Variants in HSP90AA1 observed in about 807,000 individuals in gnomAD.
HSP90AA1 encodes the protein heat shock protein 90 alpha family class A member 1.
A neutral mutation model predicts 73.3 loss-of-function variants in HSP90AA1; 18 were observed. The observed-to-expected ratio is 0.25, with a 90% CI of 0.17 to 0.36. The LOEUF is 0.36. Ranked by LOEUF, HSP90AA1 falls within the 10% of genes least tolerant of loss-of-function variation. The pLI, the probability that HSP90AA1 is intolerant of heterozygous loss-of-function variation, is 1.00. For synonymous variants in HSP90AA1, 477 were observed against 296.9 expected (o/e 1.61, Z -6.24); for missense variants, 704 against 874.2 (o/e 0.81, Z 2.45).
chr14:102,110,025 C>T (rs148474976), intron 1 of HSP90AA1, among the ~76,000 whole-genome samples: 1 of 152,210 alleles, frequency 6.6e-6, no homozygotes, highest in East Asian at 1.9e-4. Context: ...ATTCCGCCTC[C>T]TGGGTTCAAG....
chr14:102,135,997 C>A (rs992301477), intron 1 of HSP90AA1, among the ~76,000 whole-genome samples: 3 of 152,190 alleles, frequency 2.0e-5, no homozygotes, highest in African/African-American at 7.2e-5. Context: ...TCAAATGCCA[C>A]CAAAGTGGGA....
In HSP90AA1 at chr14:102,083,997, A is replaced by T. The variant is rs752694519; in HGVS notation, c.1148-14T>A. 6.3e-7 allele frequency: 1 copy of T among 1,597,770 alleles called. No individual in the cohort carries two copies. Among genetic ancestry groups the T allele is most frequent in the South Asian group, 1.1e-5 (1 of 90,702 alleles). On this transcript the variant is annotated splice_polypyrimidine_tract_variant and intron_variant, in intron 6 of 10. Transcript: ENST00000216281. The stretch of plus-strand genomic sequence containing the variant: ...CTCTAATGAAGTCTGAAAAAAATAT[A>T]AACCAAATGCACTGAGTCATTCCAA...
chr14:102,102,003 A>C, exon 2 of HSP90AA1: 1 of 1,614,178 alleles, frequency 6.2e-7, no homozygotes, highest in Non-Finnish European at 8.5e-7. Flanking sequence ...TTCCAGAGAC[A>C]GAGTAGAGTG....
intron 1 of HSP90AA1, among the ~76,000 whole-genome samples, chr14:102,126,623 C>T (rs773202178): frequency 1.8e-4 from 28 of 152,054 alleles, no homozygotes; most frequent in Non-Finnish European, 4.0e-4. Context: ...CTCCCGGGTT[C>T]ACGCCATTCT....
intron 1 of HSP90AA1, among the ~76,000 whole-genome samples, chr14:102,112,827 G>A (rs1210612849): frequency 1.3e-5 from 2 of 152,140 alleles, no homozygotes; most frequent in African/African-American, 4.8e-5. Flanking sequence ...AATTTCTGCT[G>A]TTAAGTTTTT....
At chr14:102,133,235 A>G (rs1476564347) in intron 1 of HSP90AA1, among the ~76,000 whole-genome samples, 10 of 149,608 alleles carry the variant, frequency 6.7e-5, no homozygotes, top group Middle Eastern at 3.8e-3. Flanking sequence ...AGCTGAGATC[A>G]TGCCATTGCA....
At chr14:102,090,550 C>T (rs561158301), upstream of HSP90AA1, among the ~76,000 whole-genome samples, 2 of 152,022 alleles carry the variant, frequency 1.3e-5, no homozygotes, top group East Asian at 1.9e-4. Context: ...CCCGGGTTCA[C>T]GCCATTCTCC....
At chr14:102,089,496 A>G (rs2049323657), upstream of HSP90AA1, among the ~76,000 whole-genome samples, 1 of 152,170 alleles carries the variant, frequency 6.6e-6, no homozygotes, top group South Asian at 2.1e-4. Context: ...TACCATCAAC[A>G]CGCCAGCCCC....
chr14:102,108,462 G>T (rs1257703015), intron 1 of HSP90AA1, among the ~76,000 whole-genome samples: 1 of 148,820 alleles, frequency 6.7e-6, no homozygotes, highest in African/African-American at 2.5e-5. Flanking sequence ...TGTAAATATT[G>T]ATCCTATCAT....
chr14:102,113,103 G>A (rs1337461834), intron 1 of HSP90AA1, among the ~76,000 whole-genome samples: 4 of 150,754 alleles, frequency 2.7e-5, no homozygotes, highest in Non-Finnish European at 4.4e-5. Context: ...GGTTCACTGC[G>A]ACCTCTGCCT....
rs34691938 is a variant in HSP90AA1 at position 102,128,630 on chromosome 14, G to GAAA, written c.155+10617_155+10619dup. Among the ~76,000 whole-genome samples the GAAA allele has an allele frequency of 5.3e-4, 57 of 106,978 alleles. 1 individual carries two copies. The highest frequency in any genetic ancestry group is 1.5e-3 in the African/African-American group (41 of 27,526). 70.2% of individuals were successfully genotyped at this position (106,978 alleles called of 152,430 possible). On this transcript the variant is annotated intron_variant, in intron 1 of 11. Coordinates refer to the HSP90AA1 transcript ENST00000334701. Reference sequence around the variant, plus strand: ...GCAGTAAGAGCAAAACTCCGTCTCGGAAAAAAAAAAAAAAAAAAAAAATTA... The same window carrying GAAA: ...GCAGTAAGAGCAAAACTCCGTCTCGGAAAAAAAAAAAAAAAAAAAAAAAAATTA...
intron 1 of HSP90AA1, among the ~76,000 whole-genome samples, chr14:102,131,994 C>A (rs560304257): frequency 2.2e-4 from 34 of 152,136 alleles, no homozygotes; most frequent in Admixed American, 1.9e-3. Flanking sequence ...CACAACACTT[C>A]GTGAGGCTAA....
upstream of HSP90AA1, among the ~76,000 whole-genome samples, chr14:102,090,958 G>A (rs943784253): frequency 4.6e-5 from 7 of 152,208 alleles, no homozygotes; most frequent in East Asian, 1.2e-3. Flanking sequence ...GCCACTGCCT[G>A]TGTGACCCAG....
rs1400761801 is a variant in HSP90AA1, at chr14:102,135,815, C to T, written c.155+3435G>A. On this transcript the variant is annotated intron_variant, in intron 1 of 11. Coordinates refer to the HSP90AA1 transcript ENST00000334701. ...GGCTGGCTACTCCAAGTGCGGGGCC[C>T]GCCAAGCCCACGCCCACCCGGAACT... Among the ~76,000 whole-genome samples the T allele has an allele frequency of 4.6e-5, 7 of 152,248 alleles. No individual in the cohort carries two copies. The East Asian group carries it at 7.7e-4, about 17-fold the overall frequency.
intron 2 of HSP90AA1, among the ~76,000 whole-genome samples, chr14:102,098,666 G>A (rs550275044): frequency 6.6e-6 from 1 of 152,126 alleles, no homozygotes; most frequent in South Asian, 2.1e-4. Context: ...GTTTCACCAT[G>A]TTAGCCAGGA....
intron 1 of HSP90AA1, among the ~76,000 whole-genome samples, chr14:102,131,429 G>T (rs2049905726): frequency 6.6e-6 from 1 of 152,118 alleles, no homozygotes; most frequent in Non-Finnish European, 1.5e-5. Context: ...CTTCCTTAGT[G>T]ACCTTCCTGT....
intron 1 of HSP90AA1, among the ~76,000 whole-genome samples, chr14:102,118,541 A>G (rs2049736790): frequency 6.6e-6 from 1 of 151,802 alleles, no homozygotes; most frequent in Non-Finnish European, 1.5e-5. Flanking sequence ...ATGCCCGGTC[A>G]CTTTTTGTTT....
At chr14:102,137,071 G>A (rs1239594971) in intron 1 of HSP90AA1, among the ~76,000 whole-genome samples, 7 of 151,424 alleles carry the variant, frequency 4.6e-5, no homozygotes, top group Admixed American at 2.0e-4. Context: ...AAAATTAGCT[G>A]GGTGTGGTGG....
chr14:102,139,430 G>A, exon 1 of HSP90AA1: 1 of 1,519,800 alleles, frequency 6.6e-7, no homozygotes, highest in Non-Finnish European at 8.8e-7. Context: ...GGTACCCCGC[G>A]TGCTGGCTCC....
Sources: allele counts gnomAD v4.1 joint callset (sites outside exome capture counted in the v4.1 genomes callset), GRCh38; gene constraint gnomAD v4.1.1; transcripts MANE v1.5; gene names NCBI Gene and HGNC (gene_info 2026-07-23, HGNC 2026-07-21).